PCCA: variants seen among roughly 807,000 people sequenced by gnomAD.
PCCA encodes the protein propionyl-CoA carboxylase subunit alpha.
A neutral mutation model predicts 101.3 loss-of-function variants in PCCA; 74 were observed. The ratio of observed to expected loss-of-function variants is 0.73; its 90% CI spans 0.61 to 0.89. PCCA has a LOEUF of 0.89. Among genes scored for constraint, PCCA ranks in the 40% least tolerant of loss-of-function variants. PCCA has a pLI of 0.00. For synonymous variants in PCCA, 294 were observed against 313.6 expected (o/e 0.94, Z 0.66); for missense variants, 891 against 907.0 (o/e 0.98, Z 0.23).
intron 19 of PCCA, among the ~76,000 whole-genome samples, chr13:100,392,292 A>C (rs1460542982): frequency 6.6e-6 from 1 of 152,188 alleles, no homozygotes; most frequent in East Asian, 1.9e-4. Flanking sequence ...AAACTCTTTA[A>C]TAAATTAGAA....
chr13:100,495,538 G>C (rs992154019), intron 21 of PCCA, among the ~76,000 whole-genome samples: 11 of 152,236 alleles, frequency 7.2e-5, no homozygotes, highest in African/African-American at 2.6e-4. Context: ...TTGTAAAGAA[G>C]CTCAGTATTA....
Position 100,336,781 on chromosome 13 carries a change from C to T in PCCA, c.1541-3376C>T, listed in dbSNP as rs372903710. Among the ~76,000 whole-genome samples, 154 of 152,292 alleles carry T rather than the reference C, an allele frequency of 1.0e-3. 4 individuals carry two copies. The South Asian group carries it at 0.028, about 28-fold the overall frequency. ...CTGAAGAGCCCACTGTGCCCAGCCT[C>T]GTTGACTTCGCAGTAGAGGCTCTAA... On this transcript the variant is annotated intron_variant, in intron 17 of 23. Coordinates refer to ENST00000376285, the MANE Select transcript of PCCA (RefSeq NM_000282.4).
chr13:100,414,737 C>T (rs8000597), intron 19 of PCCA, among the ~76,000 whole-genome samples: 1 of 152,130 alleles, frequency 6.6e-6, no homozygotes, highest in African/African-American at 2.4e-5. Context: ...AACTGCATAG[C>T]ATACAAAGTT....
chr13:100,520,498 A>G (rs989445685), intron 22 of PCCA, among the ~76,000 whole-genome samples: 70 of 151,752 alleles, frequency 4.6e-4, no homozygotes, highest in Admixed American at 9.2e-4. Flanking sequence ...AGCCGGGCGC[A>G]GTGGCGGGCG....
chr13:100,330,778 T>C (rs747439466), intron 17 of PCCA, 107 bp downstream of exon 17: 19 of 707,500 alleles, frequency 2.7e-5, no homozygotes, highest in Non-Finnish European at 4.5e-5. Flanking sequence ...TGGCTTATAT[T>C]ATACTTCATT....
intron 19 of PCCA, among the ~76,000 whole-genome samples, chr13:100,375,088 A>G (rs913677037): frequency 6.6e-6 from 1 of 152,138 alleles, no homozygotes; most frequent in African/African-American, 2.4e-5. Flanking sequence ...ATTGGTTTCA[A>G]AGAACTTATT....
intron 21 of PCCA, among the ~76,000 whole-genome samples, chr13:100,471,933 C>T (rs1051979464): frequency 6.6e-6 from 1 of 152,108 alleles, no homozygotes; most frequent in African/African-American, 2.4e-5. Context: ...CAGCAGAGTC[C>T]AGGTTCTTGT....
chr13:100,487,714 G>A (rs747167167), intron 21 of PCCA, among the ~76,000 whole-genome samples: 6 of 151,890 alleles, frequency 4.0e-5, no homozygotes, highest in South Asian at 2.1e-4. Context: ...GAAATGCTGC[G>A]ATGGGACCTT....
At chr13:100,384,793 G>C (rs1300402843) in intron 19 of PCCA, among the ~76,000 whole-genome samples, 1 of 151,970 alleles carries the variant, frequency 6.6e-6, no homozygotes, top group Non-Finnish European at 1.5e-5. Flanking sequence ...ATTACCTATG[G>C]CTTAAATACA....
chr13:100,177,763 A>G (rs1385998594), intron 6 of PCCA, among the ~76,000 whole-genome samples: 2 of 152,232 alleles, frequency 1.3e-5, no homozygotes, highest in African/African-American at 4.8e-5. Context: ...CAAGTCTTCA[A>G]ACATTCTCAG....
At chr13:100,101,131 C>T (rs1206730515) in intron 1 of PCCA, among the ~76,000 whole-genome samples, 1 of 152,054 alleles carries the variant, frequency 6.6e-6, no homozygotes, top group Admixed American at 6.6e-5. Flanking sequence ...ACTGGGTAAC[C>T]GGGAGGCATC....
intron 15 of PCCA, 87 bp downstream of exon 15, chr13:100,307,347 C>A: frequency 1.1e-6 from 1 of 899,812 alleles, no homozygotes; most frequent in South Asian, 1.4e-5. Context: ...TTATCTGAAT[C>A]ATAAGCTATA....
intron 6 of PCCA, among the ~76,000 whole-genome samples, chr13:100,208,068 C>T (rs1388994204): frequency 6.6e-6 from 1 of 152,018 alleles, no homozygotes; most frequent in Non-Finnish European, 1.5e-5. Context: ...AACCCCTATA[C>T]CTCTATATCT....
At chr13:100,198,627 T>A (rs2058277244) in intron 6 of PCCA, among the ~76,000 whole-genome samples, 5 of 152,090 alleles carry the variant, frequency 3.3e-5, no homozygotes, top group Non-Finnish European at 2.9e-5. Context: ...GCCTTCCGAG[T>A]AGCTGGGATA....
At chr13:100,145,044 C>G (rs1594348451) in intron 4 of PCCA, among the ~76,000 whole-genome samples, 1 of 152,090 alleles carries the variant, frequency 6.6e-6, no homozygotes, top group African/African-American at 2.4e-5. Flanking sequence ...ACAGGTAGAG[C>G]CATATCTTGG....
intron 18 of PCCA, among the ~76,000 whole-genome samples, chr13:100,342,191 C>T (rs1823107255): frequency 6.6e-6 from 1 of 151,922 alleles, no homozygotes; most frequent in Non-Finnish European, 1.5e-5. Context: ...TCTACCCACT[C>T]CACACTTTCC....
At chr13:100,332,666 A>T (rs1383004138) in intron 17 of PCCA, among the ~76,000 whole-genome samples, 1 of 152,216 alleles carries the variant, frequency 6.6e-6, no homozygotes, top group Admixed American at 6.5e-5. Context: ...GAATATCCCA[A>T]ATTCTGTAGA....
intron 16 of PCCA, among the ~76,000 whole-genome samples, chr13:100,318,226 G>A (rs929081858): frequency 2.6e-5 from 4 of 152,012 alleles, no homozygotes; most frequent in East Asian, 1.9e-4. Flanking sequence ...ACCCAGCACC[G>A]TTCTCTCCTT....
At chr13:100,429,105 CTG>C (rs1371564525) in intron 20 of PCCA, among the ~76,000 whole-genome samples, 2 of 151,980 alleles carry the variant, frequency 1.3e-5, no homozygotes, top group Non-Finnish European at 2.9e-5. Flanking sequence ...GATGAGGGCA[CTG>C]TGTGCAGAAG....
Sources: gnomAD v4.1 joint callset for allele counts (sites outside exome capture counted in the v4.1 genomes callset) on GRCh38, gnomAD v4.1.1 for gene constraint, MANE v1.5 for transcripts, NCBI Gene and HGNC (gene_info 2026-07-23, HGNC 2026-07-21) for gene names.